The following NCF4 variants were observed in gnomAD, a reference collection of about 807,000 sequenced individuals.
The protein encoded by NCF4 is neutrophil cytosol factor 4.
In NCF4, 30 loss-of-function variants were observed where a neutral mutation model predicts 41.7. That is an observed-to-expected ratio of 0.72 (90% CI 0.54 to 0.97). NCF4 has a LOEUF of 0.97. Ranked by LOEUF, NCF4 falls within the 50% of genes least tolerant of loss-of-function variation. The pLI, the probability that NCF4 is intolerant of heterozygous loss-of-function variation, is 0.00. For missense variants in NCF4, 432 were observed against 460.9 expected (o/e 0.94, Z 0.57); for synonymous variants, 195 against 175.8 (o/e 1.11, Z -0.87).
At position 36,870,348 on chromosome 22, in the gene NCF4, A is replaced by T. The variant is rs571272246; in HGVS notation, c.343-67A>T. ...TGATGTCAGGGCTCGGGGACGGGAC[A>T]TCTAGGCTGGGGTGTCCAGATCTTT... On this transcript the variant is annotated intron_variant, in intron 4 of 9. Coordinates refer to ENST00000248899, the MANE Select transcript of NCF4 (RefSeq NM_000631.5). The T allele has an allele frequency of 4.8e-5, 77 of 1,609,932 alleles. No individual in the cohort carries two copies. In the African/African-American group the frequency reaches 9.1e-4, roughly 19 times the overall value.
intron 1 of NCF4, among the ~76,000 whole-genome samples, chr22:36,863,149 G>A (rs993583318): frequency 2.6e-5 from 4 of 152,204 alleles, no homozygotes; most frequent in South Asian, 2.1e-4. Context: ...AATTGCAGAC[G>A]ACGGTAGTGG....
At chr22:36,876,134 G>A in intron 9 of NCF4, 40 bp downstream of exon 9, 1 of 1,536,036 alleles carries the variant, frequency 6.5e-7, no homozygotes, top group Non-Finnish European at 8.8e-7. Context: ...TAGATACTCT[G>A]GAGAAGAGAG....
chr22:36,866,711 G>T (rs34320195), intron 3 of NCF4, among the ~76,000 whole-genome samples: 2,164 of 152,248 alleles, frequency 0.014, 27 homozygotes, highest in South Asian at 0.046. Flanking sequence ...CTTGGTGAAT[G>T]GTTCCACCAG....
At chr22:36,867,603 C>T (rs1939959276) in intron 4 of NCF4, 141 bp downstream of exon 4, 1 of 898,472 alleles carries the variant, frequency 1.1e-6, no homozygotes, top group South Asian at 1.4e-5. Flanking sequence ...TCCCTAAAGG[C>T]CTGGTCTGGG....
At chr22:36,872,575 GTGGAGGTGAGGA>G (rs1475798603) in intron 7 of NCF4, 150 bp downstream of exon 7, 13 of 703,062 alleles carry the variant, frequency 1.8e-5, no homozygotes, top group Middle Eastern at 3.3e-4. Flanking sequence ...GGAGGTAAGA[GTGGAGGTGAGGA>G]TGGAGGTGAG....
rs1940182719 is a variant in NCF4 at position 36,875,932 on chromosome 22, C to T, written c.759-97C>T. On this transcript the variant is annotated intron_variant, in intron 8 of 9. Transcript: ENST00000248899. ...CCACAATGCTGTAACAAGCCATCAA[C>T]GTCCAGGGTGGCCTGGCCAGCCTCA... The T allele has an allele frequency of 7.4e-6, 12 of 1,614,090 alleles. No homozygotes were observed. The highest frequency in any genetic ancestry group is 2.2e-5 in the South Asian group (2 of 91,082).
In NCF4 at chr22:36,877,741, TC is replaced by T; in HGVS notation, c.942del (p.Ser315ProfsTer34). ...VALMVRQARG[L>X]PSQKRLFPWK... ...CTCATGGTGCGGCAGGCTCGTGGCC[TC>T]CCCTCCCAGAAGCGCCTCTTCCCCT... On this transcript the variant is annotated frameshift_variant, in exon 10 of 10. Transcript: ENST00000248899. LOFTEE classifies it high-confidence loss of function. 1 of 1,613,786 alleles carries T rather than the reference TC, an allele frequency of 6.2e-7. No homozygotes were observed. The highest frequency in any genetic ancestry group is 8.5e-7 in the Non-Finnish European group (1 of 1,179,946).
chr22:36,874,728 G>A (rs563106368), intron 7 of NCF4, among the ~76,000 whole-genome samples: 2 of 152,326 alleles, frequency 1.3e-5, no homozygotes, highest in East Asian at 1.9e-4. Context: ...CCATAGGGTC[G>A]TTGTGAAGAT....
chr22:36,870,072 G>A (rs944528731), intron 4 of NCF4: 20 of 374,694 alleles, frequency 5.3e-5, no homozygotes, highest in African/African-American at 4.2e-4. Flanking sequence ...GATGGAGCAA[G>A]GGCGCGCATG....
chr22:36,868,035 ATC>A (rs1939969440), intron 4 of NCF4, among the ~76,000 whole-genome samples: 1 of 152,226 alleles, frequency 6.6e-6, no homozygotes, highest in Non-Finnish European at 1.5e-5. Flanking sequence ...CAAACTCTGC[ATC>A]TCTATGAGAT....
chr22:36,872,427 T>C lies in NCF4; in HGVS notation c.627+2T>C. Reference sequence around the variant, plus strand: ...CGGATCAACAAAGACTGGCTGGAGGTGAGTTCAGAAGTGAGGATGGAGGTG... The same window carrying C: ...CGGATCAACAAAGACTGGCTGGAGGCGAGTTCAGAAGTGAGGATGGAGGTG... On this transcript the variant is annotated splice_donor_variant, in intron 7 of 9. Coordinates refer to ENST00000248899, the MANE Select transcript of NCF4 (RefSeq NM_000631.5). LOFTEE classifies it high-confidence loss of function. 1 of 1,598,128 alleles carries C rather than the reference T, an allele frequency of 6.3e-7. No individual in the cohort carries two copies. The highest frequency in any genetic ancestry group is 8.6e-7 in the Non-Finnish European group (1 of 1,165,736).
At chr22:36,877,541 T>A in intron 9 of NCF4, 87 bp from the exon 10 acceptor site, 1 of 1,406,016 alleles carries the variant, frequency 7.1e-7, no homozygotes, top group South Asian at 1.2e-5. Flanking sequence ...TACTCCTGGC[T>A]TCAGGACATA....
intron 4 of NCF4, among the ~76,000 whole-genome samples, chr22:36,869,812 C>T (rs1031676202): frequency 6.6e-6 from 1 of 152,232 alleles, no homozygotes; most frequent in Admixed American, 6.5e-5. Context: ...CCTCTCCAAG[C>T]ATCAGTTTCC....
chr22:36,876,551 A>G (rs1940198321), intron 9 of NCF4, among the ~76,000 whole-genome samples: 1 of 152,184 alleles, frequency 6.6e-6, no homozygotes, highest in African/African-American at 2.4e-5. Context: ...AAAGAAGTGA[A>G]ATCACCTCAT....
intron 1 of NCF4, among the ~76,000 whole-genome samples, chr22:36,862,289 G>C (rs1488563995): frequency 6.6e-6 from 1 of 152,204 alleles, no homozygotes; most frequent in Non-Finnish European, 1.5e-5. Context: ...GCTGGAAGTA[G>C]AACCTGAAGC....
intron 4 of NCF4, chr22:36,870,057 C>T (rs1940015949): frequency 2.8e-6 from 1 of 361,692 alleles, no homozygotes; most frequent in African/African-American, 2.1e-5. Context: ...CAAGGGATGT[C>T]ATGAGATGGA....
At chr22:36,863,218 G>T (rs1433954654) in intron 1 of NCF4, among the ~76,000 whole-genome samples, 1 of 152,176 alleles carries the variant, frequency 6.6e-6, no homozygotes, top group Non-Finnish European at 1.5e-5. Flanking sequence ...TGGGCACTGG[G>T]ATGTAGGGTG....
rs529554198 is a variant in NCF4 at position 36,866,814 on chromosome 22, G to A, written c.272-578G>A. 2.6e-5 allele frequency among the ~76,000 whole-genome samples: 4 copies of A among 152,306 alleles called. No individual in the cohort carries two copies. The East Asian group carries it at 7.7e-4, about 29-fold the overall frequency. On this transcript the variant is annotated intron_variant, in intron 3 of 9. Coordinates refer to ENST00000248899, the MANE Select transcript of NCF4 (RefSeq NM_000631.5). ...CCAGAACATCTGCCTTGAGCTTGAGGAATTGTTCATTCATCCACTTAACAA... is the reference window on the plus strand; with the variant it reads ...CCAGAACATCTGCCTTGAGCTTGAGAAATTGTTCATTCATCCACTTAACAA...
intron 7 of NCF4, among the ~76,000 whole-genome samples, chr22:36,872,848 G>A (rs1454119075): frequency 2.1e-5 from 3 of 142,320 alleles, no homozygotes; most frequent in African/African-American, 7.9e-5. Context: ...GGGTGGACGT[G>A]AGGATGGGGG....
Sources: allele counts gnomAD v4.1 joint callset (sites outside exome capture counted in the v4.1 genomes callset), GRCh38; gene constraint gnomAD v4.1.1; transcripts MANE v1.5; gene names NCBI Gene and HGNC (gene_info 2026-07-23, HGNC 2026-07-21).